The following AFG2A variants were observed in gnomAD, a reference collection of about 807,000 sequenced individuals.
AFG2A encodes AAA ATPase AFG2A.
the AFG2A span, among the ~76,000 whole-genome samples, chr4:123,150,887 A>G: frequency 6.6e-6 from 1 of 152,222 alleles, no homozygotes; most frequent in Non-Finnish European, 1.5e-5. Flanking sequence ...GGCTACAGTA[A>G]CCAAAGCAGC....
At chr4:123,163,615 A>G in the AFG2A span, among the ~76,000 whole-genome samples, 1 of 152,096 alleles carries the variant, frequency 6.6e-6, no homozygotes, top group Non-Finnish European at 1.5e-5. Context: ...CCCACTTATG[A>G]CCTCTTAACA....
chr4:123,208,591 A>G, the AFG2A span, among the ~76,000 whole-genome samples: 2 of 152,194 alleles, frequency 1.3e-5, no homozygotes, highest in Admixed American at 1.3e-4. Flanking sequence ...ACAGTAACTA[A>G]CCTGTAGAGT....
the AFG2A span, among the ~76,000 whole-genome samples, chr4:122,930,812 G>C: frequency 6.6e-6 from 1 of 152,178 alleles, no homozygotes; most frequent in Non-Finnish European, 1.5e-5. Flanking sequence ...CTACAAACTA[G>C]TCAGACCTCT....
At chr4:123,104,192 T>C in the AFG2A span, among the ~76,000 whole-genome samples, 6 of 152,320 alleles carry the variant, frequency 3.9e-5, no homozygotes, top group East Asian at 1.2e-3. Context: ...ATTTTGGTGA[T>C]TTTTGTAATA....
At chr4:122,970,789 C>T in the AFG2A span, among the ~76,000 whole-genome samples, 1 of 151,262 alleles carries the variant, frequency 6.6e-6, no homozygotes, top group African/African-American at 2.4e-5. Flanking sequence ...TCTCTTAGAA[C>T]GTATCCCTGT....
chr4:123,130,874 A>G, the AFG2A span, among the ~76,000 whole-genome samples: 1 of 152,108 alleles, frequency 6.6e-6, no homozygotes, highest in Non-Finnish European at 1.5e-5. Context: ...TCCCACCAAC[A>G]ATATATGAGC....
chr4:123,032,226 T>C, the AFG2A span, among the ~76,000 whole-genome samples: 3 of 152,200 alleles, frequency 2.0e-5, no homozygotes, highest in East Asian at 5.8e-4. Flanking sequence ...CAGAGAGGAA[T>C]TGTATAAAAT....
chr4:122,974,147 G>A, the AFG2A span, among the ~76,000 whole-genome samples: 1 of 151,532 alleles, frequency 6.6e-6, no homozygotes, highest in South Asian at 2.1e-4. Flanking sequence ...TTATAAATAT[G>A]TTTATATTAT....
chr4:122,955,464 T>C, the AFG2A span, among the ~76,000 whole-genome samples: 8,100 of 152,294 alleles, frequency 0.053, 675 homozygotes, highest in African/African-American at 0.18. Flanking sequence ...TTCAAACCAT[T>C]GCAGTTATTT....
At chr4:123,311,426 G>A in the AFG2A span, among the ~76,000 whole-genome samples, 1 of 152,022 alleles carries the variant, frequency 6.6e-6, no homozygotes, top group African/African-American at 2.4e-5. Context: ...AGGAGATCGA[G>A]ACCATCCTGG....
chr4:123,155,626 A>ATAGT, the AFG2A span, among the ~76,000 whole-genome samples: 46 of 151,926 alleles, frequency 3.0e-4, no homozygotes, highest in Non-Finnish European at 4.9e-4. Context: ...TTGTTAAAAA[A>ATAGT]ATAACTATCT....
chr4:123,211,548 C>A, the AFG2A span, among the ~76,000 whole-genome samples: 1 of 152,096 alleles, frequency 6.6e-6, no homozygotes, highest in Admixed American at 6.6e-5. Flanking sequence ...CTGGAAAGCA[C>A]CCTATTATAT....
At chr4:123,277,739 T>G in the AFG2A span, among the ~76,000 whole-genome samples, 2 of 152,026 alleles carry the variant, frequency 1.3e-5, no homozygotes, top group East Asian at 3.8e-4. Context: ...ATAATCATGT[T>G]TTTGTTTTTA....
chr4:123,047,257 T>C, the AFG2A span, among the ~76,000 whole-genome samples: 1 of 152,174 alleles, frequency 6.6e-6, no homozygotes, highest in African/African-American at 2.4e-5. Context: ...TTCTCCAGCA[T>C]TTCTTATTTT....
At chr4:123,179,595 C>T in the AFG2A span, among the ~76,000 whole-genome samples, 1 of 152,172 alleles carries the variant, frequency 6.6e-6, no homozygotes, top group Non-Finnish European at 1.5e-5. Context: ...AACTCTTGAG[C>T]TCAGGCAGTC....
At chr4:123,179,487 A>C in the AFG2A span, among the ~76,000 whole-genome samples, 7 of 152,144 alleles carry the variant, frequency 4.6e-5, no homozygotes, top group Admixed American at 2.6e-4. Context: ...AGCTGGCAAT[A>C]CACGTGTGCA....
chr4:123,046,729 G>A, the AFG2A span, among the ~76,000 whole-genome samples: 3 of 151,972 alleles, frequency 2.0e-5, no homozygotes, highest in African/African-American at 7.3e-5. Context: ...ACTGAATACT[G>A]GTACTTACTC....
chr4:123,051,346 A>ATTT, the AFG2A span, among the ~76,000 whole-genome samples: 1 of 151,696 alleles, frequency 6.6e-6, no homozygotes, highest in African/African-American at 2.4e-5. Flanking sequence ...CTTAACTTTG[A>ATTT]TTGCAAGATA....
the AFG2A span, among the ~76,000 whole-genome samples, chr4:123,117,762 T>C: frequency 7.8e-3 from 1,184 of 152,120 alleles, 8 homozygotes; most frequent in Non-Finnish European, 0.013. Context: ...CAAGTCACTT[T>C]ACCTTTGCTT....
Sources: allele counts gnomAD v4.1 joint callset (sites outside exome capture counted in the v4.1 genomes callset), GRCh38; gene constraint gnomAD v4.1.1; transcripts MANE v1.5; gene names NCBI Gene and HGNC (gene_info 2026-07-23, HGNC 2026-07-21).